Variants in SBF2 observed in about 807,000 individuals in gnomAD.
SBF2 encodes myotubularin-related protein 13.
SBF2 carries 112 observed loss-of-function variants against 225.2 expected under a neutral mutation model. That is an observed-to-expected ratio of 0.50 (90% CI 0.43 to 0.58). The LOEUF (loss-of-function observed/expected upper bound fraction) is 0.58, where lower values mean the gene tolerates loss of function less well. Ranked by LOEUF, SBF2 falls within the 20% of genes least tolerant of loss-of-function variation. The pLI is 0.00. For synonymous variants in SBF2, 763 were observed against 773.3 expected, an observed-to-expected ratio of 0.99 and a Z score of 0.22; for missense variants, 1,996 against 2,206.2, an observed-to-expected ratio of 0.90 and a Z score of 1.91.
chr11:10,079,680 A>G (rs1951280741), intron 2 of SBF2, among the ~76,000 whole-genome samples: 1 of 152,200 alleles, frequency 6.6e-6, no homozygotes, highest in African/African-American at 2.4e-5. Flanking sequence ...GGAAATAATT[A>G]TGGAAAACTA....
rs762661170 is a variant in SBF2, at chr11:9,860,835, G to T, written c.1930-2439C>A. 3.7e-4 allele frequency among the ~76,000 whole-genome samples: 56 copies of T among 152,100 alleles called. 1 individual carries two copies. The highest frequency in any genetic ancestry group is 6.8e-4 in the Non-Finnish European group (46 of 68,020). ...CTGAGCTTTTAACAAATCCTTATCAGATTCTCACAAAGTACTTTTAGGATA... is the reference window on the plus strand; with the variant it reads ...CTGAGCTTTTAACAAATCCTTATCATATTCTCACAAAGTACTTTTAGGATA... On this transcript the variant is annotated intron_variant, in intron 17 of 39. Coordinates refer to ENST00000256190, the MANE Select transcript of SBF2 (RefSeq NM_030962.4).
At chr11:9,811,531 G>A (rs896396377) in intron 30 of SBF2, among the ~76,000 whole-genome samples, 1 of 152,176 alleles carries the variant, frequency 6.6e-6, no homozygotes, top group African/African-American at 2.4e-5. Flanking sequence ...TGGAGCTGGG[G>A]CTCATAGCCT....
chr11:10,165,086 T>G (rs1265901928), intron 2 of SBF2: 2 of 152,166 alleles, frequency 1.3e-5, no homozygotes, highest in Non-Finnish European at 2.9e-5. Flanking sequence ...CAGAAAGAAA[T>G]AAACAATGGC....
chr11:10,073,146 G>T (rs905740761), intron 2 of SBF2, among the ~76,000 whole-genome samples: 2 of 152,000 alleles, frequency 1.3e-5, no homozygotes, highest in Non-Finnish European at 2.9e-5. Context: ...GATCTACAGG[G>T]TTGCTGTGAA....
chr11:10,281,224 TA>T (rs1446542340), intron 1 of SBF2, among the ~76,000 whole-genome samples: 2 of 152,178 alleles, frequency 1.3e-5, no homozygotes, highest in Non-Finnish European at 2.9e-5. Flanking sequence ...AATCCCACTA[TA>T]AGTCATTAGG....
chr11:9,918,305 T>C (rs1863284880), intron 16 of SBF2, among the ~76,000 whole-genome samples: 1 of 152,094 alleles, frequency 6.6e-6, no homozygotes, highest in South Asian at 2.1e-4. Flanking sequence ...CCCCCCATCC[T>C]CCTATTTTTA....
At chr11:9,787,876 G>T in intron 35 of SBF2, 138 bp from the exon 36 acceptor site, 1 of 723,490 alleles carries the variant, frequency 1.4e-6, no homozygotes, top group Non-Finnish European at 2.4e-6. Flanking sequence ...ACATGGGCCT[G>T]TGAGGTCTCC....
rs117247762 is a variant in SBF2, at chr11:10,059,660, C to A, written c.142-16679G>T. ...ACAATCCTCAACAAATGTAAAAGAA[C>A]CGACATCATACCAAACACACTCTTG... On this transcript the variant is annotated intron_variant, in intron 2 of 39. Transcript: ENST00000256190. Among the ~76,000 whole-genome samples, 14 of 152,190 alleles carry A rather than the reference C, an allele frequency of 9.2e-5. No individual in the cohort carries two copies. In the East Asian group the frequency reaches 2.7e-3, roughly 29 times the overall value.
At chr11:10,062,902 A>G (rs993297042) in intron 2 of SBF2, among the ~76,000 whole-genome samples, 4 of 152,242 alleles carry the variant, frequency 2.6e-5, no homozygotes, top group African/African-American at 7.2e-5. Context: ...TGTTCACTGC[A>G]GCACTGTTCA....
At chr11:10,208,494 A>T (rs66593106) in intron 1 of SBF2, among the ~76,000 whole-genome samples, 10,229 of 152,136 alleles carry the variant, frequency 0.067, 434 homozygotes, top group Middle Eastern at 0.15. Context: ...ATTTACAAAG[A>T]CATGATTACA....
intron 12 of SBF2, among the ~76,000 whole-genome samples, chr11:9,990,272 T>C (rs1160677904): frequency 6.6e-6 from 1 of 152,152 alleles, no homozygotes; most frequent in Non-Finnish European, 1.5e-5. Flanking sequence ...CATAGGCATA[T>C]AAAACTATGG....
At chr11:10,003,668 G>A (rs548828241) in intron 6 of SBF2, among the ~76,000 whole-genome samples, 3 of 151,766 alleles carry the variant, frequency 2.0e-5, no homozygotes, top group African/African-American at 7.2e-5. Context: ...CGCCTGGCCT[G>A]GTTTTTATTT....
chr11:10,294,390 C>T (rs1019575820), upstream of SBF2, among the ~76,000 whole-genome samples: 1 of 152,160 alleles, frequency 6.6e-6, no homozygotes, highest in African/African-American at 2.4e-5. Flanking sequence ...CACCGCGGCC[C>T]CTGGAGGTGG....
chr11:9,971,300 G>A (rs540712493), intron 13 of SBF2, among the ~76,000 whole-genome samples: 2 of 151,690 alleles, frequency 1.3e-5, no homozygotes, highest in South Asian at 2.1e-4. Context: ...ATTTTTTCTA[G>A]TTATATATAT....
At chr11:10,066,904 T>C (rs893567380) in intron 2 of SBF2, among the ~76,000 whole-genome samples, 1 of 152,180 alleles carries the variant, frequency 6.6e-6, no homozygotes, top group Non-Finnish European at 1.5e-5. Context: ...GATCAATATA[T>C]AAAAATCAAT....
At chr11:10,205,464 G>T (rs753660778) in intron 1 of SBF2, among the ~76,000 whole-genome samples, 1 of 151,744 alleles carries the variant, frequency 6.6e-6, no homozygotes, top group African/African-American at 2.4e-5. Flanking sequence ...TGTAACCCTC[G>T]GAATGGAGGA....
At chr11:10,044,365 T>G (rs762029911) in intron 2 of SBF2, among the ~76,000 whole-genome samples, 2 of 152,212 alleles carry the variant, frequency 1.3e-5, no homozygotes, top group Non-Finnish European at 2.9e-5. Flanking sequence ...ACAATACCTT[T>G]AAAGGTAAAC....
intron 27 of SBF2, among the ~76,000 whole-genome samples, chr11:9,830,235 A>G (rs904365922): frequency 1.3e-5 from 2 of 152,234 alleles, no homozygotes; most frequent in African/African-American, 4.8e-5. Flanking sequence ...CAAGGACAAC[A>G]GATATTCATA....
intron 2 of SBF2, among the ~76,000 whole-genome samples, chr11:10,050,400 T>A (rs2134711506): frequency 6.6e-6 from 1 of 152,266 alleles, no homozygotes; most frequent in African/African-American, 2.4e-5. Context: ...TACCGAACCC[T>A]GTATGTACTA....
Sources: allele counts gnomAD v4.1 joint callset (sites outside exome capture counted in the v4.1 genomes callset), GRCh38; gene constraint gnomAD v4.1.1; transcripts MANE v1.5; gene names NCBI Gene and HGNC (gene_info 2026-07-23, HGNC 2026-07-21).